The following TACC2 variants were observed in gnomAD, a reference collection of about 807,000 sequenced individuals.
TACC2 encodes the protein transforming acidic coiled-coil-containing protein 2.
TACC2 carries 137 observed loss-of-function variants against 227.3 expected under a neutral mutation model. That is an observed-to-expected ratio of 0.60 (90% CI 0.52 to 0.69). The LOEUF is 0.69. TACC2 is among the 30% of genes least tolerant of loss of function. The pLI is 0.00. For synonymous variants in TACC2, 1,523 were observed against 1,487.5 expected (o/e 1.02, Z -0.55); for missense variants, 3,470 against 3,694.4 (o/e 0.94, Z 1.57).
chr10:122,132,898 G>A (rs552522180), intron 6 of TACC2, among the ~76,000 whole-genome samples, 164 bp downstream of exon 6: 1 of 151,856 alleles, frequency 6.6e-6, no homozygotes, highest in Non-Finnish European at 1.5e-5. Context: ...GAACAGGTGT[G>A]TGCCAGAGTT....
At chr10:122,017,252 T>C (rs1956770288) in intron 1 of TACC2, among the ~76,000 whole-genome samples, 3 of 152,030 alleles carry the variant, frequency 2.0e-5, no homozygotes, top group African/African-American at 7.2e-5. Context: ...TGGAAAGTGG[T>C]TTCTGGAGGG....
intron 5 of TACC2, among the ~76,000 whole-genome samples, chr10:122,112,148 G>A (rs182729690): frequency 6.6e-6 from 1 of 152,246 alleles, no homozygotes; most frequent in East Asian, 1.9e-4. Context: ...CTATAGCAGT[G>A]CTTTCTGTGA....
intron 3 of TACC2, among the ~76,000 whole-genome samples, chr10:122,059,189 T>C (rs1356597872): frequency 1.3e-5 from 2 of 151,826 alleles, no homozygotes; most frequent in African/African-American, 2.4e-5. Flanking sequence ...GTGCTGGGAT[T>C]ATAGGCGTGA....
chr10:122,215,797 A>G (rs2095392537), intron 10 of TACC2, among the ~76,000 whole-genome samples: 1 of 152,182 alleles, frequency 6.6e-6, no homozygotes, highest in African/African-American at 2.4e-5. Flanking sequence ...TGAGAAGGTG[A>G]AGAAACTCAG....
chr10:122,020,529 C>T (rs558451231), intron 1 of TACC2, among the ~76,000 whole-genome samples: 1 of 152,112 alleles, frequency 6.6e-6, no homozygotes, highest in Non-Finnish European at 1.5e-5. Flanking sequence ...AGGGTGGCTA[C>T]GCAATCAGTG....
intron 16 of TACC2, among the ~76,000 whole-genome samples, chr10:122,235,109 CAG>C (rs2095832835): frequency 2.0e-5 from 3 of 152,128 alleles, no homozygotes. Context: ...TTTTTTAAGA[CAG>C]AGTCTCACTC....
intron 5 of TACC2, among the ~76,000 whole-genome samples, chr10:122,124,719 A>G (rs887318510): frequency 6.6e-5 from 10 of 152,206 alleles, no homozygotes; most frequent in Non-Finnish European, 1.2e-4. Flanking sequence ...TGTCCTGAGT[A>G]CAATTCCTGA....
At position 122,237,449 on chromosome 10, in the gene TACC2, C is replaced by G. The variant is rs776539571; in HGVS notation, c.8182C>G (p.Arg2728Gly). 6.2e-7 allele frequency: 1 copy of G among 1,614,090 alleles called. No homozygotes were observed. The highest frequency in any genetic ancestry group is 1.7e-5 in the Admixed American group (1 of 60,020). Residue 2728 changes from arginine (R) to glycine (G), a missense_variant, in exon 17 of 23, where the codon CGC becomes GGC. Arg to Gly is a moderately radical substitution (Grantham distance 125). This residue lies in a region of TACC2 where 345 missense variants were observed against 354.4 expected (regional missense o/e 0.97). Transcript: ENST00000369005. ...CATCTCCAAAACAGCCTTGTACTCC[C>G]GCATCGGGACCGCTGAGGTGGAGAA... is the stretch of plus-strand genomic sequence containing the variant. ...VSISKTALYS[R>G]IGTAEVEKPA...
At chr10:122,028,775 T>C (rs1958441715) in intron 2 of TACC2, among the ~76,000 whole-genome samples, 2 of 61,688 alleles carry the variant, frequency 3.2e-5, no homozygotes, top group African/African-American at 7.7e-5. Flanking sequence ...TCCCTTCCCT[T>C]GCCTCCGCTC....
At chr10:122,060,803 G>C (rs933097402) in intron 3 of TACC2, among the ~76,000 whole-genome samples, 29 of 152,066 alleles carry the variant, frequency 1.9e-4, no homozygotes, top group African/African-American at 6.8e-4. Flanking sequence ...TCAGGAGTTT[G>C]AGACCAGCCT....
At chr10:122,007,823 C>A (rs745912295) in intron 1 of TACC2, among the ~76,000 whole-genome samples, 4 of 152,042 alleles carry the variant, frequency 2.6e-5, no homozygotes, top group Non-Finnish European at 4.4e-5. Context: ...AAAGGTGGGG[C>A]CTTTAATAGG....
chr10:122,163,577 C>G, intron 7 of TACC2: 1 of 998,534 alleles, frequency 1.0e-6, no homozygotes, highest in Non-Finnish European at 1.2e-6. Context: ...GTGTCACACA[C>G]AGGAGCCGGC....
Position 122,039,063 on chromosome 10 carries a change from C to T in TACC2, c.34-11375C>T, listed in dbSNP as rs1406553118. On this transcript the variant is annotated intron_variant, in intron 2 of 22. Transcript: ENST00000369005. ...CAATCTTGGCTCACTGTAACCTCTGCCTCCTGGGTTCAAATGATTCCCCTG... is the reference window on the plus strand; with the variant it reads ...CAATCTTGGCTCACTGTAACCTCTGTCTCCTGGGTTCAAATGATTCCCCTG... Among the ~76,000 whole-genome samples the T allele has an allele frequency of 4.6e-5, 7 of 152,170 alleles. 1 individual carries two copies. In the South Asian group the frequency reaches 1.0e-3, roughly 22 times the overall value.
intron 6 of TACC2, among the ~76,000 whole-genome samples, chr10:122,134,781 C>CG (rs2089222461): frequency 6.6e-6 from 1 of 152,286 alleles, no homozygotes; most frequent in East Asian, 1.9e-4. Flanking sequence ...TCGGGGGATG[C>CG]GGGGGCACGA....
chr10:122,092,938 A>G lies in TACC2; in HGVS notation c.5573+4347A>G, dbSNP rs1591907800. On this transcript the variant is annotated intron_variant, in intron 5 of 22. Transcript: ENST00000369005. ...TTGAATCAATTTCACCTACGTACAT[A>G]TACAACTATCTTCCCTGTTAGTGGA... 2.0e-5 allele frequency among the ~76,000 whole-genome samples: 3 copies of G among 152,256 alleles called. No homozygotes were observed. The East Asian group carries it at 5.8e-4, about 29-fold the overall frequency.
chr10:122,097,319 G>C (rs1326695335), intron 5 of TACC2, among the ~76,000 whole-genome samples: 1 of 152,178 alleles, frequency 6.6e-6, no homozygotes, highest in Non-Finnish European at 1.5e-5. Flanking sequence ...CTGGGTGACA[G>C]AGTGAGGTAC....
At chr10:122,008,094 C>T (rs1338539037) in intron 1 of TACC2, among the ~76,000 whole-genome samples, 2 of 152,014 alleles carry the variant, frequency 1.3e-5, no homozygotes, top group East Asian at 3.9e-4. Flanking sequence ...TCACAAATTA[C>T]CCAGTCTATA....
chr10:122,145,488 A>T (rs976299902), intron 7 of TACC2, among the ~76,000 whole-genome samples: 7 of 152,224 alleles, frequency 4.6e-5, no homozygotes, highest in Admixed American at 4.6e-4. Context: ...AATGGAAAAC[A>T]GATCAGTGGG....
chr10:122,115,930 G>A (rs2084625133), intron 5 of TACC2, among the ~76,000 whole-genome samples: 1 of 152,182 alleles, frequency 6.6e-6, no homozygotes, highest in African/African-American at 2.4e-5. Context: ...GGAGCATAGA[G>A]ATGGCTGCAG....
Sources: allele counts gnomAD v4.1 joint callset (sites outside exome capture counted in the v4.1 genomes callset), GRCh38; gene constraint gnomAD v4.1.1; regional missense constraint gnomAD v4.1.1; transcripts MANE v1.5; gene names NCBI Gene and HGNC (gene_info 2026-07-23, HGNC 2026-07-21).